PCDH15: variants seen among roughly 807,000 people sequenced by gnomAD.
PCDH15 encodes protocadherin-15.
PCDH15 carries 129 observed loss-of-function variants against 178.5 expected under a neutral mutation model. That is an observed-to-expected ratio of 0.72 (90% CI 0.63 to 0.84). The LOEUF is 0.84. Ranked by LOEUF, PCDH15 falls within the 40% of genes least tolerant of loss-of-function variation. The pLI is 0.00. For missense variants in PCDH15, 2,230 were observed against 2,099.9 expected, an observed-to-expected ratio of 1.06 and a Z score of -1.21; for synonymous variants, 800 against 732.0, an observed-to-expected ratio of 1.09 and a Z score of -1.50.
intron 3 of PCDH15, among the ~76,000 whole-genome samples, chr10:54,865,118 C>T (rs116307547): frequency 0.016 from 2,411 of 152,088 alleles, 61 homozygotes; most frequent in African/African-American, 0.053. Context: ...GGTATGTCTG[C>T]GAGGGTGTTG....
chr10:54,258,849 C>A (rs975917097), intron 8 of PCDH15, among the ~76,000 whole-genome samples: 5 of 152,108 alleles, frequency 3.3e-5, no homozygotes, highest in Non-Finnish European at 7.4e-5. Context: ...ATATAACTCA[C>A]AAGGCAGAAG....
At chr10:55,269,038 T>C (rs926045811) in intron 1 of PCDH15, among the ~76,000 whole-genome samples, 5 of 152,102 alleles carry the variant, frequency 3.3e-5, no homozygotes, top group African/African-American at 1.2e-4. Context: ...AAAAACCGTA[T>C]GATCACCTCA....
intron 23 of PCDH15, among the ~76,000 whole-genome samples, chr10:53,951,899 G>A (rs2087092521): frequency 1.3e-5 from 2 of 152,200 alleles, no homozygotes; most frequent in South Asian, 2.1e-4. Context: ...AGGCACGCTG[G>A]CTGCTGTGGT....
At chr10:54,600,429 T>C in intron 2 of PCDH15, 2 of 576,596 alleles carry the variant, frequency 3.5e-6, no homozygotes, top group Non-Finnish European at 3.4e-6. Flanking sequence ...TTGTCACCAA[T>C]GACCTAGACT....
chr10:54,915,489 T>C (rs1421694497), intron 2 of PCDH15, among the ~76,000 whole-genome samples: 2 of 152,182 alleles, frequency 1.3e-5, no homozygotes, highest in Non-Finnish European at 1.5e-5. Flanking sequence ...ATGCACTCTT[T>C]GATTATTCAT....
chr10:53,818,952 T>C (rs2076158517), intron 33 of PCDH15, among the ~76,000 whole-genome samples: 1 of 152,042 alleles, frequency 6.6e-6, no homozygotes, highest in South Asian at 2.1e-4. Context: ...TCTTGTATGG[T>C]TTATGCATTG....
intron 2 of PCDH15, among the ~76,000 whole-genome samples, chr10:55,504,117 T>C (rs1840712279): frequency 6.6e-6 from 1 of 151,404 alleles, no homozygotes; most frequent in Non-Finnish European, 1.5e-5. Context: ...TGTTTGAACC[T>C]ATAGAATTTA....
intron 20 of PCDH15, among the ~76,000 whole-genome samples, chr10:54,002,141 T>C (rs28848621): frequency 3.4e-4 from 51 of 151,242 alleles, no homozygotes; most frequent in African/African-American, 1.2e-3. Context: ...TATATATATA[T>C]ACACATACAC....
intron 17 of PCDH15, among the ~76,000 whole-genome samples, chr10:54,069,666 T>C (rs1014904279): frequency 1.3e-5 from 2 of 152,206 alleles, no homozygotes; most frequent in Non-Finnish European, 2.9e-5. Context: ...TCTGAACCTA[T>C]GGAAATATTT....
At chr10:55,190,192 C>T (rs1839905551) in intron 1 of PCDH15, among the ~76,000 whole-genome samples, 1 of 151,000 alleles carries the variant, frequency 6.6e-6, no homozygotes, top group South Asian at 2.1e-4. Context: ...CAAGAACAGA[C>T]AAAACTAATT....
intron 2 of PCDH15, among the ~76,000 whole-genome samples, chr10:55,106,089 T>C (rs973260889): frequency 6.6e-6 from 1 of 152,052 alleles, no homozygotes; most frequent in Non-Finnish European, 1.5e-5. Context: ...ACTATTTCAA[T>C]AGAAACAAGG....
In PCDH15 at chr10:55,002,948, T is replaced by A. The variant is rs149048876; in HGVS notation, c.-79-105448A>T. Among the ~76,000 whole-genome samples the A allele has an allele frequency of 1.2e-4, 18 of 152,352 alleles. No individual in the cohort carries two copies. The East Asian group carries it at 3.5e-3, about 29-fold the overall frequency. The stretch of plus-strand genomic sequence containing the variant: ...AGTTATAAAAGGTTTATGAAATTCT[T>A]ACCTTATGGTCAAACTAATTTCAAA... On this transcript the variant is annotated intron_variant, in intron 2 of 5. Transcript: ENST00000458638.
chr10:55,310,095 A>G (rs1026365630), intron 1 of PCDH15, among the ~76,000 whole-genome samples: 3 of 152,016 alleles, frequency 2.0e-5, no homozygotes, highest in South Asian at 2.1e-4. Flanking sequence ...CTTCTAGGAG[A>G]ACTTAAACCC....
At chr10:54,204,718 C>G (rs762254202) in intron 10 of PCDH15, among the ~76,000 whole-genome samples, 2 of 152,072 alleles carry the variant, frequency 1.3e-5, no homozygotes, top group Non-Finnish European at 1.5e-5. Flanking sequence ...AATTTAATAG[C>G]AGCTGCCCTA....
Position 54,847,306 on chromosome 10 carries a change from T to C in PCDH15, c.-29+50144A>G, listed in dbSNP as rs563612523. Among the ~76,000 whole-genome samples, 59 of 152,182 alleles carry C rather than the reference T, an allele frequency of 3.9e-4. 1 individual carries two copies. Among genetic ancestry groups the C allele is most frequent in the Non-Finnish European group, 7.9e-4 (54 of 68,020 alleles). ...GTGCTATAAAAATAGACTTGCAGTA[T>C]CGCATTTTAGAATGTTACTTTGAGG... On this transcript the variant is annotated intron_variant, in intron 3 of 5. Transcript: ENST00000458638.
At chr10:55,214,654 T>A (rs1400175670) in intron 1 of PCDH15, among the ~76,000 whole-genome samples, 26 of 152,128 alleles carry the variant, frequency 1.7e-4, no homozygotes, top group African/African-American at 6.0e-4. Flanking sequence ...TTTTATTTGT[T>A]TTTTAAGAGA....
chr10:55,359,385 GAC>G (rs1845164868), intron 2 of PCDH15, among the ~76,000 whole-genome samples: 1 of 151,522 alleles, frequency 6.6e-6, no homozygotes, highest in African/African-American at 2.4e-5. Context: ...AAATTCTTAA[GAC>G]AGTTATGTTT....
At chr10:54,719,555 G>C (rs1941207275) in intron 1 of PCDH15, among the ~76,000 whole-genome samples, 1 of 151,830 alleles carries the variant, frequency 6.6e-6, no homozygotes, top group Admixed American at 6.6e-5. Flanking sequence ...TACGAGTGCA[G>C]AATGTGTAGG....
chr10:55,588,214 T>C (rs1015867426), intron 2 of PCDH15, among the ~76,000 whole-genome samples: 8 of 152,154 alleles, frequency 5.3e-5, no homozygotes, highest in Non-Finnish European at 1.2e-4. Flanking sequence ...CTGGTAGATA[T>C]TTATGGCAAA....
Sources: allele counts gnomAD v4.1 joint callset (sites outside exome capture counted in the v4.1 genomes callset), GRCh38; gene constraint gnomAD v4.1.1; transcripts MANE v1.5; gene names NCBI Gene and HGNC (gene_info 2026-07-23, HGNC 2026-07-21).